The following TNS1 variants were observed in gnomAD, a reference collection of about 807,000 sequenced individuals.
TNS1 encodes the protein tensin-1.
TNS1 carries 62 observed loss-of-function variants against 168.6 expected under a neutral mutation model. That is an observed-to-expected ratio of 0.37 (90% confidence interval 0.30 to 0.45). TNS1 has a LOEUF of 0.45. TNS1 is among the 20% of genes least tolerant of loss of function. The pLI is 1.00. For missense variants in TNS1, 2,240 were observed against 2,339.4 expected, an observed-to-expected ratio of 0.96 and a Z score of 0.88; for synonymous variants, 934 against 933.2, an observed-to-expected ratio of 1.00 and a Z score of -0.02.
chr2:217,990,925 C>A lies in TNS1; in HGVS notation c.148+17G>T. On this transcript the variant is annotated intron_variant, in intron 2 of 32. Transcript: ENST00000682258. ...TGATGGGTGCTCCCATCCCCCACAG[C>A]CCAGACCGCTGCTCACCTTTGCAGG... is the stretch of plus-strand genomic sequence containing the variant. The A allele has an allele frequency of 1.6e-6, 1 of 631,420 alleles. No individual in the cohort carries two copies. The highest frequency in any genetic ancestry group is 2.9e-6 in the Non-Finnish European group (1 of 340,422). 39.1% of individuals were successfully genotyped at this position (631,420 alleles called of 1,614,324 possible). A position where few individuals can be genotyped will look rare whatever the true frequency, so the allele number is the denominator to read the frequency against.
intron 3 of TNS1, among the ~76,000 whole-genome samples, chr2:217,973,701 G>A (rs1053620765): frequency 6.6e-6 from 1 of 152,192 alleles, no homozygotes; most frequent in African/African-American, 2.4e-5. Flanking sequence ...GCCAAGTTGG[G>A]CACCGTCATG....
chr2:217,898,712 T>C (rs1952590170), intron 7 of TNS1, among the ~76,000 whole-genome samples: 1 of 152,242 alleles, frequency 6.6e-6, no homozygotes, highest in Non-Finnish European at 1.5e-5. Flanking sequence ...CCCTTGTTGC[T>C]GCAGTGGCGG....
chr2:217,980,506 C>CAGAGAGAGAGAG (rs3842558), intron 2 of TNS1, among the ~76,000 whole-genome samples: 9 of 117,574 alleles, frequency 7.7e-5, no homozygotes, highest in African/African-American at 1.2e-4. Context: ...TACACACACA[C>CAGAGAGAGAGAG]AGAGAGAGAG....
At chr2:218,024,686 T>C (rs145004270) in intron 1 of TNS1, among the ~76,000 whole-genome samples, 20 of 152,174 alleles carry the variant, frequency 1.3e-4, no homozygotes, top group South Asian at 2.1e-4. Context: ...CACCCAAGGT[T>C]ATTGTCAGGG....
intron 1 of TNS1, among the ~76,000 whole-genome samples, chr2:217,999,596 T>C (rs6712327): frequency 0.46 from 69,765 of 151,962 alleles, 16,480 homozygotes; most frequent in South Asian, 0.59. Flanking sequence ...CAGACCCTGG[T>C]GATTCTCATG....
In TNS1 at chr2:217,903,615, A is replaced by G. The variant is rs143448012; in HGVS notation, c.321+2720T>C. On this transcript the variant is annotated intron_variant, in intron 6 of 32. Coordinates refer to ENST00000682258, the MANE Select transcript of TNS1 (RefSeq NM_001387777.1). ...TCCCCATCCTTACCTCCAAAACACA[A>G]TCCTTCCTTTGCTGAAAGGGCACCA... is the stretch of plus-strand genomic sequence containing the variant. 755 of 1,535,732 alleles carry G rather than the reference A, an allele frequency of 4.9e-4. 6 individuals carry two copies. The East Asian group carries it at 0.011, about 21-fold the overall frequency.
chr2:217,875,623 T>G (rs1312732285), intron 18 of TNS1, among the ~76,000 whole-genome samples: 4 of 152,176 alleles, frequency 2.6e-5, no homozygotes, highest in African/African-American at 9.7e-5. Flanking sequence ...TCTTGGTCTC[T>G]GCCTGTTTGC....
At chr2:217,893,701 GC>G in intron 9 of TNS1, 140 bp from the exon 10 acceptor site, 1 of 1,234,396 alleles carries the variant, frequency 8.1e-7, no homozygotes, top group Non-Finnish European at 1.1e-6. Flanking sequence ...GTTCCTCCCT[GC>G]CCACTGGCCA....
intron 21 of TNS1, among the ~76,000 whole-genome samples, chr2:217,833,174 T>C (rs898422075): frequency 6.6e-6 from 1 of 152,188 alleles, no homozygotes; most frequent in Non-Finnish European, 1.5e-5. Context: ...TTTAACCAAC[T>C]GGTGCAGCGG....
chr2:217,810,400 C>G, intron 28 of TNS1, 81 bp from the exon 29 acceptor site: 2 of 1,372,646 alleles, frequency 1.5e-6, no homozygotes, highest in Non-Finnish European at 2.1e-6. Context: ...GTGAGCTCTG[C>G]AACTCTTTGG....
chr2:217,864,621 C>A (rs568411194), intron 18 of TNS1, among the ~76,000 whole-genome samples: 1 of 152,342 alleles, frequency 6.6e-6, no homozygotes, highest in Admixed American at 6.5e-5. Flanking sequence ...TTATAACAAA[C>A]TCCAGCAGGC....
intron 1 of TNS1, among the ~76,000 whole-genome samples, chr2:218,028,641 G>C (rs958452785): frequency 6.6e-6 from 1 of 152,220 alleles, no homozygotes; most frequent in African/African-American, 2.4e-5. Flanking sequence ...TCTCAGGCCA[G>C]AAAAGGACCC....
At chr2:217,892,588 A>C (rs1951848508) in intron 11 of TNS1, among the ~76,000 whole-genome samples, 1 of 152,182 alleles carries the variant, frequency 6.6e-6, no homozygotes, top group Non-Finnish European at 1.5e-5. Flanking sequence ...GTTTTGCCAG[A>C]CCCAGATCTG....
At chr2:217,921,626 A>T (rs1205404577) in intron 3 of TNS1, among the ~76,000 whole-genome samples, 1 of 152,184 alleles carries the variant, frequency 6.6e-6, no homozygotes, top group Non-Finnish European at 1.5e-5. Context: ...GTCGGGCTAC[A>T]GACTCCCTGC....
chr2:217,830,028 G>A lies in TNS1; in HGVS notation c.3373+1427C>T, dbSNP rs185424338. On this transcript the variant is annotated intron_variant, in intron 22 of 32. Transcript: ENST00000682258. The stretch of plus-strand genomic sequence containing the variant: ...GAGAAAGAGAATCTGTGGAGAAAAC[G>A]GAGATGGGAAAGCTGGGGTGAGGCC... The A allele has an allele frequency of 6.5e-5, 96 of 1,470,564 alleles. No individual in the cohort carries two copies. The Middle Eastern group carries it at 2.0e-3, about 30-fold the overall frequency. 91.1% of individuals were successfully genotyped at this position (1,470,564 alleles called of 1,614,324 possible). A position where few individuals can be genotyped will look rare whatever the true frequency, so the allele number is the denominator to read the frequency against.
Position 217,814,952 on chromosome 2 carries a change from A to T in TNS1, c.4689T>A (p.Thr1563=). The change falls in exon 25 of 33, where the codon ACT becomes ACA. Residue 1563 remains threonine (T), a synonymous_variant. Transcript: ENST00000682258. ...TRAKVKFVQD[T]SKYWYKPEIS... ...TCTCAGGCTTGTACCAATACTTAGA[A>T]GTGTCCTGGACAAACTTCACTTTAG... 1 of 1,613,708 alleles carries T rather than the reference A, an allele frequency of 6.2e-7. No homozygotes were observed. The highest frequency in any genetic ancestry group is 8.5e-7 in the Non-Finnish European group (1 of 1,179,880).
At chr2:217,935,616 G>A (rs1309089344) in intron 3 of TNS1, among the ~76,000 whole-genome samples, 1 of 152,174 alleles carries the variant, frequency 6.6e-6, no homozygotes, top group Non-Finnish European at 1.5e-5. Context: ...GCCTCCAGAG[G>A]AGCCTCATCT....
chr2:217,914,549 G>T (rs191800880), intron 4 of TNS1, among the ~76,000 whole-genome samples: 42 of 150,862 alleles, frequency 2.8e-4, no homozygotes, highest in African/African-American at 9.7e-4. Flanking sequence ...GTCTCGCTCT[G>T]TCGCCAGACT....
intron 3 of TNS1, among the ~76,000 whole-genome samples, chr2:217,958,768 C>T (rs1008482608): frequency 2.6e-5 from 4 of 152,286 alleles, no homozygotes; most frequent in South Asian, 2.1e-4. Flanking sequence ...ACCAGTCCAG[C>T]GGGAGCCTGA....
Sources: allele counts gnomAD v4.1 joint callset (sites outside exome capture counted in the v4.1 genomes callset), GRCh38; gene constraint gnomAD v4.1.1; transcripts MANE v1.5; gene names NCBI Gene and HGNC (gene_info 2026-07-23, HGNC 2026-07-21).